Variants in RGS7 observed in about 807,000 individuals in gnomAD.
The protein encoded by RGS7 is regulator of G-protein signaling 7.
RGS7 carries 27 observed loss-of-function variants against 81.1 expected under a neutral mutation model. The observed-to-expected ratio is 0.33, with a 90% CI of 0.25 to 0.46. The LOEUF is 0.46. Ranked by LOEUF, RGS7 falls within the 20% of genes least tolerant of loss-of-function variation. RGS7 has a pLI of 1.00. For missense variants in RGS7, 396 were observed against 607.4 expected, an observed-to-expected ratio of 0.65 and a Z score of 3.66; for synonymous variants, 208 against 207.7, an observed-to-expected ratio of 1.00 and a Z score of -0.01.
intron 3 of RGS7, among the ~76,000 whole-genome samples, chr1:241,063,385 G>A (rs906136146): frequency 6.6e-6 from 1 of 152,158 alleles, no homozygotes; most frequent in Non-Finnish European, 1.5e-5. Flanking sequence ...AAAAAAGGCA[G>A]TAAATGTCTT....
At chr1:241,269,438 C>G (rs1264134015) in intron 2 of RGS7, among the ~76,000 whole-genome samples, 1 of 152,206 alleles carries the variant, frequency 6.6e-6, no homozygotes, top group Non-Finnish European at 1.5e-5. Flanking sequence ...GGCCTCCTGC[C>G]CAATCACATG....
chr1:241,064,882 C>T (rs180703554), intron 3 of RGS7, among the ~76,000 whole-genome samples: 2 of 152,196 alleles, frequency 1.3e-5, no homozygotes, highest in Admixed American at 6.5e-5. Context: ...AGAAACACCT[C>T]CACATTCATG....
Position 241,324,707 on chromosome 1 carries a change from T to C in RGS7, c.78+30992A>G, listed in dbSNP as rs2081396901. Among the ~76,000 whole-genome samples, 2 of 152,226 alleles carry C rather than the reference T, an allele frequency of 1.3e-5. 1 individual carries two copies. The highest frequency in any genetic ancestry group is 4.1e-4 in the South Asian group (2 of 4,828). On this transcript the variant is annotated intron_variant, in intron 2 of 18. Transcript: ENST00000440928. ...ATCCCCTACTCATCCCTACCAGCTT[T>C]TCATGGTCCTTCCTCATATCTATTC...
intron 3 of RGS7, among the ~76,000 whole-genome samples, chr1:241,096,129 G>T (rs770880572): frequency 5.9e-5 from 9 of 152,106 alleles, no homozygotes; most frequent in Non-Finnish European, 1.2e-4. Context: ...TTCTACTAAG[G>T]GCAATAAAGT....
chr1:240,823,153 ATTTCCCCATAG>A (rs1692110203), intron 10 of RGS7: 1 of 1,158,216 alleles, frequency 8.6e-7, no homozygotes, highest in Admixed American at 1.7e-5. Context: ...CACATTGGGG[ATTTCCCCATAG>A]AAGTCCTCTT....
At chr1:240,831,472 C>T (rs1693823822) in intron 9 of RGS7, among the ~76,000 whole-genome samples, 2 of 151,884 alleles carry the variant, frequency 1.3e-5, no homozygotes, top group South Asian at 2.1e-4. Flanking sequence ...GATCTTGTGA[C>T]AAATGGTGAG....
intron 2 of RGS7, among the ~76,000 whole-genome samples, chr1:241,165,583 G>T (rs113673264): frequency 4.9e-5 from 7 of 142,712 alleles, no homozygotes; most frequent in Non-Finnish European, 1.1e-4. Context: ...TGAACAATGA[G>T]AACACATGGA....
intron 3 of RGS7, among the ~76,000 whole-genome samples, chr1:241,064,418 T>C (rs1208705034): frequency 8.0e-6 from 1 of 124,360 alleles, no homozygotes; most frequent in African/African-American, 3.2e-5. Flanking sequence ...AGACCCAGTC[T>C]CTACCAAAAA....
At chr1:240,776,363 C>A in intron 18 of RGS7, 150 bp from the exon 19 acceptor site, 1 of 680,714 alleles carries the variant, frequency 1.5e-6, no homozygotes, top group Non-Finnish European at 2.7e-6. Context: ...AACCTCATGA[C>A]CAACCTGCCT....
intron 6 of RGS7, among the ~76,000 whole-genome samples, chr1:240,889,858 G>C (rs1449649478): frequency 1.3e-5 from 2 of 152,132 alleles, no homozygotes; most frequent in Non-Finnish European, 2.9e-5. Flanking sequence ...TGTTCTTGTA[G>C]TGTCCCCTCC....
intron 2 of RGS7, among the ~76,000 whole-genome samples, chr1:241,295,108 G>A (rs899948339): frequency 2.0e-5 from 3 of 152,116 alleles, no homozygotes; most frequent in African/African-American, 7.2e-5. Context: ...CAACCTTTCT[G>A]TGAAGTTACT....
intron 2 of RGS7, among the ~76,000 whole-genome samples, chr1:241,177,761 A>G (rs2071266607): frequency 6.6e-6 from 1 of 152,090 alleles, no homozygotes. Context: ...TTCCTAGTTG[A>G]CTGAAAGGGA....
chr1:241,129,289 A>G (rs997204041), intron 2 of RGS7, among the ~76,000 whole-genome samples: 9 of 152,172 alleles, frequency 5.9e-5, no homozygotes, highest in Non-Finnish European at 1.2e-4. Context: ...CGGAACTCAA[A>G]ACACTTCAAG....
intron 2 of RGS7, among the ~76,000 whole-genome samples, chr1:241,191,756 T>A (rs1465749308): frequency 1.3e-5 from 2 of 152,248 alleles, no homozygotes; most frequent in Non-Finnish European, 2.9e-5. Flanking sequence ...AGTTTTAGAT[T>A]ATAAATTTAA....
At chr1:241,191,269 G>A (rs536714152) in intron 2 of RGS7, among the ~76,000 whole-genome samples, 13 of 152,284 alleles carry the variant, frequency 8.5e-5, no homozygotes, top group Admixed American at 3.3e-4. Flanking sequence ...GTGAGCCACC[G>A]TGCCCGGCCT....
intron 2 of RGS7, among the ~76,000 whole-genome samples, chr1:241,338,957 T>G (rs2082387219): frequency 6.6e-6 from 1 of 152,098 alleles, no homozygotes; most frequent in South Asian, 2.1e-4. Context: ...GGTGAACGTG[T>G]GTCATGGTGG....
At chr1:240,843,157 C>T (rs1658409928) in intron 9 of RGS7, among the ~76,000 whole-genome samples, 1 of 149,592 alleles carries the variant, frequency 6.7e-6, no homozygotes, top group Non-Finnish European at 1.5e-5. Context: ...AAGAGCGAAA[C>T]TCTATCTCAA....
At chr1:241,274,203 A>G (rs963067530) in intron 2 of RGS7, among the ~76,000 whole-genome samples, 5 of 152,220 alleles carry the variant, frequency 3.3e-5, no homozygotes, top group Non-Finnish European at 7.3e-5. Context: ...CCAGATAGAA[A>G]AGTTCCCACC....
intron 2 of RGS7, among the ~76,000 whole-genome samples, chr1:241,157,144 C>A (rs531305822): frequency 1.3e-5 from 2 of 152,030 alleles, no homozygotes; most frequent in East Asian, 1.9e-4. Context: ...AAAAGACTTT[C>A]ACTTTTATTA....
Sources: gnomAD v4.1 joint callset for allele counts (sites outside exome capture counted in the v4.1 genomes callset) on GRCh38, gnomAD v4.1.1 for gene constraint, MANE v1.5 for transcripts, NCBI Gene and HGNC (gene_info 2026-07-23, HGNC 2026-07-21) for gene names.